Variants in SPAG16 observed in about 807,000 individuals in gnomAD.
SPAG16 encodes the protein sperm-associated antigen 16 protein.
Under a neutral mutation model 80.4 loss-of-function variants are expected in SPAG16, and 86 were observed. The observed-to-expected ratio is 1.07, with a 90% CI of 0.90 to 1.28. The LOEUF (loss-of-function observed/expected upper bound fraction) is 1.28. SPAG16 is among the 50% of genes most tolerant of loss of function. The pLI, the probability that SPAG16 is intolerant of heterozygous loss-of-function variation, is 0.00. For synonymous variants in SPAG16, 294 were observed against 265.9 expected (o/e 1.11, Z -1.03); for missense variants, 870 against 765.3 (o/e 1.14, Z -1.61).
chr2:214,359,884 A>T (rs773713542), intron 15 of SPAG16, among the ~76,000 whole-genome samples: 3 of 151,894 alleles, frequency 2.0e-5, no homozygotes, highest in Non-Finnish European at 4.4e-5. Context: ...GCCACCAAGG[A>T]CTTTTTTGCT....
At chr2:213,935,841 C>T (rs1189191546) in intron 12 of SPAG16, among the ~76,000 whole-genome samples, 3 of 152,116 alleles carry the variant, frequency 2.0e-5, no homozygotes, top group Non-Finnish European at 2.9e-5. Flanking sequence ...GCACTTACTT[C>T]GTTCTATGCC....
At chr2:213,853,572 AC>A (rs1223498198) in intron 10 of SPAG16, among the ~76,000 whole-genome samples, 1 of 152,194 alleles carries the variant, frequency 6.6e-6, no homozygotes, top group African/African-American at 2.4e-5. Flanking sequence ...GCATTCACCC[AC>A]ATTGTCTTTT....
intron 10 of SPAG16, among the ~76,000 whole-genome samples, chr2:213,628,877 G>T (rs1554177): frequency 0.41 from 62,665 of 151,930 alleles, 13,475 homozygotes; most frequent in Middle Eastern, 0.53. Context: ...CCTTTATTCA[G>T]TCAGTTTGTG....
intron 15 of SPAG16, among the ~76,000 whole-genome samples, chr2:214,187,679 TGC>T (rs2057523363): frequency 2.8e-5 from 4 of 144,022 alleles, no homozygotes; most frequent in Non-Finnish European, 6.5e-5. Flanking sequence ...CAATAATGTC[TGC>T]CATAACAAAC....
intron 13 of SPAG16, among the ~76,000 whole-genome samples, chr2:214,048,378 TA>T (rs2049455712): frequency 1.3e-5 from 2 of 152,058 alleles, no homozygotes; most frequent in African/African-American, 4.8e-5. Flanking sequence ...ATTCAGCTAT[TA>T]AAAAAATGTC....
At chr2:214,107,222 T>C (rs1426872309) in intron 13 of SPAG16, among the ~76,000 whole-genome samples, 1 of 152,178 alleles carries the variant, frequency 6.6e-6, no homozygotes, top group East Asian at 1.9e-4. Flanking sequence ...TATCACAAAA[T>C]GCCCATCTCC....
chr2:214,165,048 A>G (rs368176605), intron 15 of SPAG16, among the ~76,000 whole-genome samples: 10 of 152,114 alleles, frequency 6.6e-5, no homozygotes, highest in African/African-American at 2.4e-4. Flanking sequence ...TCTTTACTGT[A>G]TGGAAATTTA....
intron 6 of SPAG16, among the ~76,000 whole-genome samples, chr2:213,341,748 T>C (rs1028640261): frequency 6.6e-6 from 1 of 152,072 alleles, no homozygotes; most frequent in African/African-American, 2.4e-5. Context: ...ACTTTGTTGA[T>C]CAGGTTGGTT....
chr2:214,098,739 A>G (rs2052775857), intron 13 of SPAG16, among the ~76,000 whole-genome samples: 2 of 152,134 alleles, frequency 1.3e-5, no homozygotes. Flanking sequence ...AGCTGAATGT[A>G]TAATACACTT....
chr2:213,682,514 G>A (rs1489903128), intron 10 of SPAG16, among the ~76,000 whole-genome samples: 1 of 152,192 alleles, frequency 6.6e-6, no homozygotes, highest in African/African-American at 2.4e-5. Flanking sequence ...AGGGGCATCT[G>A]GCCAATTTTG....
intron 10 of SPAG16, among the ~76,000 whole-genome samples, chr2:213,524,627 A>G (rs544824141): frequency 1.3e-5 from 2 of 152,340 alleles, no homozygotes; most frequent in Admixed American, 1.3e-4. Flanking sequence ...CATGGAGTCA[A>G]AGGAGATCAT....
chr2:214,311,254 A>G (rs1385655306), intron 15 of SPAG16, among the ~76,000 whole-genome samples: 1 of 152,100 alleles, frequency 6.6e-6, no homozygotes. Flanking sequence ...GGGATCCCAC[A>G]GCTCCCCAGG....
chr2:214,018,051 A>T (rs1264528206), intron 13 of SPAG16, among the ~76,000 whole-genome samples: 1 of 152,130 alleles, frequency 6.6e-6, no homozygotes, highest in Non-Finnish European at 1.5e-5. Flanking sequence ...TTAAATTGAT[A>T]GCTATGTACT....
chr2:213,506,619 T>C (rs969937279), intron 10 of SPAG16, among the ~76,000 whole-genome samples: 1 of 152,222 alleles, frequency 6.6e-6, no homozygotes, highest in Admixed American at 6.5e-5. Context: ...AATGATTTCC[T>C]GACGGCCATT....
chr2:214,064,771 T>G (rs1444163018), intron 13 of SPAG16, among the ~76,000 whole-genome samples: 2 of 152,118 alleles, frequency 1.3e-5, no homozygotes, highest in African/African-American at 4.8e-5. Flanking sequence ...GTAAATTCAC[T>G]GAAGATGTTT....
chr2:214,144,304 T>C (rs1409713669), intron 14 of SPAG16, among the ~76,000 whole-genome samples: 1 of 141,126 alleles, frequency 7.1e-6, no homozygotes, highest in Non-Finnish European at 1.6e-5. Context: ...TAAAGGATTA[T>C]AAAAATACAC....
At chr2:213,713,516 C>T (rs1168917527) in intron 10 of SPAG16, among the ~76,000 whole-genome samples, 1 of 152,154 alleles carries the variant, frequency 6.6e-6, no homozygotes, top group Non-Finnish European at 1.5e-5. Context: ...GAAGAAGTCA[C>T]AAGTACCCTA....
In SPAG16 at chr2:214,166,681, T is replaced by G. The variant is rs894941231; in HGVS notation, c.1720+17415T>G. Among the ~76,000 whole-genome samples the G allele has an allele frequency of 2.6e-5, 4 of 152,300 alleles. No individual in the cohort carries two copies. The East Asian group carries it at 7.7e-4, about 29-fold the overall frequency. ...AACTTCCCTCTGAGAGTGGGCTCTT[T>G]GTTTCCTGGCGGGGCCCTGACCGAC... On this transcript the variant is annotated intron_variant, in intron 15 of 15. Coordinates refer to ENST00000331683, the MANE Select transcript of SPAG16 (RefSeq NM_024532.5).
intron 10 of SPAG16, among the ~76,000 whole-genome samples, chr2:213,558,505 G>C (rs1418176815): frequency 6.6e-6 from 1 of 151,594 alleles, no homozygotes; most frequent in Non-Finnish European, 1.5e-5. Context: ...TACAGGGACT[G>C]TAGAGATAAA....
Sources: allele counts gnomAD v4.1 joint callset (sites outside exome capture counted in the v4.1 genomes callset), GRCh38; gene constraint gnomAD v4.1.1; transcripts MANE v1.5; gene names NCBI Gene and HGNC (gene_info 2026-07-23, HGNC 2026-07-21).